Variants in SETBP1 observed in about 807,000 individuals in gnomAD.
SETBP1 encodes the protein SET binding protein 1.
Under a neutral mutation model 101.0 loss-of-function variants are expected in SETBP1, and 9 were observed. That is an observed-to-expected ratio of 0.09 (90% CI 0.05 to 0.16). The LOEUF (loss-of-function observed/expected upper bound fraction) is 0.16, where lower values mean the gene tolerates loss of function less well. SETBP1 is among the 10% of genes least tolerant of loss of function. The pLI is 1.00. For synonymous variants in SETBP1, 818 were observed against 788.5 expected, an observed-to-expected ratio of 1.04 and a Z score of -0.63; for missense variants, 1,858 against 2,033.8, an observed-to-expected ratio of 0.91 and a Z score of 1.66.
chr18:44,916,035 G>T (rs142372886), intron 3 of SETBP1, among the ~76,000 whole-genome samples: 73 of 152,188 alleles, frequency 4.8e-4, no homozygotes, highest in African/African-American at 1.6e-3. Flanking sequence ...AGACCAGCCT[G>T]GGCAACATGG....
At chr18:44,702,725 A>G (rs2069138959) in intron 2 of SETBP1, among the ~76,000 whole-genome samples, 1 of 152,222 alleles carries the variant, frequency 6.6e-6, no homozygotes, top group South Asian at 2.1e-4. Flanking sequence ...CACCTGACTA[A>G]GGAAACCCAG....
chr18:44,879,206 T>C (rs1450804590), intron 3 of SETBP1, among the ~76,000 whole-genome samples: 2 of 152,228 alleles, frequency 1.3e-5, no homozygotes, highest in African/African-American at 4.8e-5. Flanking sequence ...CCCACTTTGC[T>C]GTATCCAGTA....
At chr18:44,877,526 T>C (rs2144722093) in intron 3 of SETBP1, 1 of 225,092 alleles carries the variant, frequency 4.4e-6, no homozygotes, top group South Asian at 1.6e-4. Context: ...TTCTTGCTAC[T>C]TTTAGGATAA....
intron 3 of SETBP1, among the ~76,000 whole-genome samples, chr18:44,894,200 T>G (rs937605913): frequency 1.3e-5 from 2 of 152,210 alleles, no homozygotes; most frequent in African/African-American, 4.8e-5. Flanking sequence ...TCCAAGTTGT[T>G]CGCCAGAACC....
In SETBP1 at chr18:44,806,782, C is replaced by T. The variant is rs1037315697; in HGVS notation, c.487-62448C>T. Among the ~76,000 whole-genome samples, 64 of 151,478 alleles carry T rather than the reference C, an allele frequency of 4.2e-4. 1 individual carries two copies. The highest frequency in any genetic ancestry group is 1.5e-3 in the African/African-American group (61 of 41,208). ...TAATTCCTGGACTCAAGCAATCCTC[C>T]AACCTCGGCCTTTTAAATAGCTGGA... is the stretch of plus-strand genomic sequence containing the variant. On this transcript the variant is annotated intron_variant, in intron 2 of 5. Coordinates refer to ENST00000649279, the MANE Select transcript of SETBP1 (RefSeq NM_015559.3).
intron 5 of SETBP1, among the ~76,000 whole-genome samples, chr18:45,061,274 G>T (rs2073886769): frequency 6.6e-6 from 1 of 152,184 alleles, no homozygotes; most frequent in South Asian, 2.1e-4. Flanking sequence ...TGATTAGACT[G>T]ATTTGTCAGT....
intron 4 of SETBP1, among the ~76,000 whole-genome samples, chr18:45,001,584 G>T (rs1269703370): frequency 6.6e-6 from 1 of 152,112 alleles, no homozygotes; most frequent in African/African-American, 2.4e-5. Context: ...TGTAGAAAAG[G>T]CCCATCTTTG....
chr18:44,910,692 C>T (rs1280059050), intron 3 of SETBP1, among the ~76,000 whole-genome samples: 1 of 152,154 alleles, frequency 6.6e-6, no homozygotes, highest in African/African-American at 2.4e-5. Flanking sequence ...ATACTAAAAA[C>T]CTAGAGGGGG....
At chr18:44,725,270 G>T (rs2069682204) in intron 2 of SETBP1, among the ~76,000 whole-genome samples, 2 of 152,112 alleles carry the variant, frequency 1.3e-5, no homozygotes, top group African/African-American at 4.8e-5. Context: ...ACAGTTTGGG[G>T]AATAATTTCA....
chr18:44,920,912 C>A (rs187981852), intron 3 of SETBP1, among the ~76,000 whole-genome samples: 24 of 152,252 alleles, frequency 1.6e-4, no homozygotes, highest in Admixed American at 3.3e-4. Flanking sequence ...CAATTTTTGC[C>A]TTTGTTCTCA....
chr18:44,988,507 G>A (rs1233884993), intron 4 of SETBP1: 2 of 152,216 alleles, frequency 1.3e-5, no homozygotes, highest in East Asian at 3.8e-4. Context: ...GTATTTTCAG[G>A]TTAGAAATGT....
At chr18:44,703,766 T>C (rs1275619779) in intron 2 of SETBP1, among the ~76,000 whole-genome samples, 2 of 152,194 alleles carry the variant, frequency 1.3e-5, no homozygotes, top group African/African-American at 4.8e-5. Context: ...CTGGATACTC[T>C]GTCGTGAAAC....
chr18:44,984,689 A>AT (rs1437840993), intron 4 of SETBP1, among the ~76,000 whole-genome samples: 1 of 152,052 alleles, frequency 6.6e-6, no homozygotes, highest in African/African-American at 2.4e-5. Flanking sequence ...CCTCTAAAGC[A>AT]TTTTTCTGTC....
In SETBP1 at chr18:45,038,392, T is replaced by C. The variant is rs2073441684; in HGVS notation, c.4001-93T>C. Reference sequence around the variant, plus strand: ...TACCAGAAGGAGGTGTTCAAATCATTTGACCATTTCCTCAGATCATGTCCA... The same window carrying C: ...TACCAGAAGGAGGTGTTCAAATCATCTGACCATTTCCTCAGATCATGTCCA... On this transcript the variant is annotated intron_variant, in intron 4 of 5. Coordinates refer to ENST00000649279, the MANE Select transcript of SETBP1 (RefSeq NM_015559.3). The C allele has an allele frequency of 2.6e-6, 3 of 1,165,826 alleles. No individual in the cohort carries two copies. The African/African-American group carries it at 4.5e-5, about 18-fold the overall frequency. The allele number at this position is 1,165,826 out of a possible 1,614,324, so 72.2% of individuals were successfully genotyped here. A position where few individuals can be genotyped will look rare whatever the true frequency, so the allele number is the denominator to read the frequency against.
At chr18:45,016,937 G>A (rs2072959164) in intron 4 of SETBP1, among the ~76,000 whole-genome samples, 5 of 152,186 alleles carry the variant, frequency 3.3e-5, no homozygotes, top group South Asian at 2.1e-4. Context: ...CTCCTTTCAC[G>A]GCTGCGTGGA....
chr18:45,050,515 A>G (rs142519212), intron 5 of SETBP1, among the ~76,000 whole-genome samples: 6 of 152,228 alleles, frequency 3.9e-5, no homozygotes, highest in Admixed American at 6.5e-5. Context: ...ATTGAAGAAC[A>G]CTCTTCCCCA....
chr18:44,834,124 C>CA (rs1438464542), intron 2 of SETBP1, among the ~76,000 whole-genome samples: 4 of 152,184 alleles, frequency 2.6e-5, no homozygotes, highest in Admixed American at 2.6e-4. Context: ...TTAAACTCCT[C>CA]ATTTAGCATG....
At chr18:44,731,477 G>C (rs1025755282) in intron 2 of SETBP1, among the ~76,000 whole-genome samples, 1 of 152,116 alleles carries the variant, frequency 6.6e-6, no homozygotes, top group African/African-American at 2.4e-5. Flanking sequence ...AAGAGACCTG[G>C]GTTGTGATTA....
chr18:44,805,547 G>T (rs1181067624), intron 2 of SETBP1, among the ~76,000 whole-genome samples: 1 of 152,068 alleles, frequency 6.6e-6, no homozygotes, highest in Admixed American at 6.5e-5. Context: ...TTCTCCAAAG[G>T]TGTTTTTACC....
Sources: allele counts gnomAD v4.1 joint callset (sites outside exome capture counted in the v4.1 genomes callset), GRCh38; gene constraint gnomAD v4.1.1; transcripts MANE v1.5; gene names NCBI Gene and HGNC (gene_info 2026-07-23, HGNC 2026-07-21).